Variants in GALNT13 observed in about 807,000 individuals in gnomAD.
The protein encoded by GALNT13 is polypeptide N-acetylgalactosaminyltransferase 13, also known as UDP-GalNAc:polypeptide N-acetylgalactosaminyltransferase 13.
Under a neutral mutation model 64.2 loss-of-function variants are expected in GALNT13, and 28 were observed. The ratio of observed to expected loss-of-function variants is 0.44; its 90% CI spans 0.32 to 0.60. GALNT13 has a LOEUF of 0.60. GALNT13 is among the 20% of genes least tolerant of loss of function. The probability of loss-of-function intolerance (pLI) is 0.05; values close to 1 mark genes in which losing one functional copy is unlikely to be tolerated. For missense variants in GALNT13, 577 were observed against 669.8 expected (o/e 0.86, Z 1.53); for synonymous variants, 214 against 224.6 (o/e 0.95, Z 0.42).
the GALNT13 span, among the ~76,000 whole-genome samples, chr2:153,102,484 CTGTT>C: frequency 2.0e-5 from 3 of 152,072 alleles, no homozygotes; most frequent in Non-Finnish European, 4.4e-5. Context: ...AAAAATTAAA[CTGTT>C]TGTGCAGATA....
chr2:153,712,358 T>C, the GALNT13 span, among the ~76,000 whole-genome samples: 9 of 152,188 alleles, frequency 5.9e-5, no homozygotes, highest in African/African-American at 2.2e-4. Context: ...ATTATATATA[T>C]TTTTTGTCTC....
At chr2:153,984,122 C>T (rs1694643956) in intron 3 of GALNT13, among the ~76,000 whole-genome samples, 1 of 151,576 alleles carries the variant, frequency 6.6e-6, no homozygotes, top group African/African-American at 2.4e-5. Context: ...TAATGAAATA[C>T]CCAATTCTTA....
the GALNT13 span, among the ~76,000 whole-genome samples, chr2:153,662,593 C>T: frequency 2.0e-5 from 3 of 152,084 alleles, no homozygotes; most frequent in African/African-American, 7.2e-5. Flanking sequence ...TTTCTAAGCA[C>T]CAACTTGTCT....
In GALNT13 at chr2:154,076,090, A is replaced by G. The variant is rs1464180257; in HGVS notation, c.143-64247A>G. On this transcript the variant is annotated intron_variant, in intron 3 of 12. Coordinates refer to ENST00000392825, the MANE Select transcript of GALNT13 (RefSeq NM_052917.4). ...CACATTACATATTTATTGTGGGCCA[A>G]CAGCAGCTCTGCTCTCCCTCTTCTT... Among the ~76,000 whole-genome samples the G allele has an allele frequency of 2.0e-5, 3 of 151,708 alleles. No individual in the cohort carries two copies. In the East Asian group the frequency reaches 5.8e-4, roughly 29 times the overall value.
At chr2:153,789,118 A>G in the GALNT13 span, among the ~76,000 whole-genome samples, 1 of 152,150 alleles carries the variant, frequency 6.6e-6, no homozygotes, top group South Asian at 2.1e-4. Context: ...TGTGTACAGA[A>G]CTCTCCACCC....
At chr2:153,356,480 A>G in the GALNT13 span, 8 of 152,170 alleles carry the variant, frequency 5.3e-5, no homozygotes, top group African/African-American at 1.9e-4. Context: ...ACACTAGAAG[A>G]AAATTCATAC....
the GALNT13 span, among the ~76,000 whole-genome samples, chr2:153,729,925 C>G: frequency 1.3e-5 from 2 of 150,844 alleles, no homozygotes; most frequent in African/African-American, 4.9e-5. Flanking sequence ...CACTGATGAA[C>G]GAAATTATAG....
the GALNT13 span, among the ~76,000 whole-genome samples, chr2:153,382,982 C>A: frequency 6.6e-6 from 1 of 151,900 alleles, no homozygotes; most frequent in African/African-American, 2.4e-5. Flanking sequence ...AAGCTCTAAA[C>A]AATATCATTA....
intron 8 of GALNT13, among the ~76,000 whole-genome samples, chr2:154,266,763 G>A (rs534829716): frequency 1.8e-4 from 27 of 151,556 alleles, no homozygotes; most frequent in Middle Eastern, 3.8e-3. Context: ...CAATGCAATA[G>A]TTAAGTGTAT....
At chr2:153,667,313 A>G in the GALNT13 span, among the ~76,000 whole-genome samples, 4 of 152,132 alleles carry the variant, frequency 2.6e-5, no homozygotes, top group Admixed American at 2.6e-4. Context: ...TAAGACAACC[A>G]TCCCTAAGAC....
chr2:153,869,921 T>C (rs1050495489), upstream of GALNT13, among the ~76,000 whole-genome samples: 1 of 152,128 alleles, frequency 6.6e-6, no homozygotes, highest in African/African-American at 2.4e-5. Context: ...CACTCCCTTG[T>C]TGCTTTTTGG....
At chr2:153,743,903 C>G in the GALNT13 span, among the ~76,000 whole-genome samples, 1 of 152,058 alleles carries the variant, frequency 6.6e-6, no homozygotes, top group South Asian at 2.1e-4. Context: ...TTAGATCCCA[C>G]AAATAAGTGA....
At chr2:153,173,732 A>G in the GALNT13 span, among the ~76,000 whole-genome samples, 1 of 152,186 alleles carries the variant, frequency 6.6e-6, no homozygotes, top group Admixed American at 6.5e-5. Flanking sequence ...TCATCATTCC[A>G]GCATCAATTT....
chr2:153,448,008 C>A, the GALNT13 span, among the ~76,000 whole-genome samples: 1 of 152,100 alleles, frequency 6.6e-6, no homozygotes, highest in Non-Finnish European at 1.5e-5. Flanking sequence ...TGAAAGTATC[C>A]ATTGAGTTAA....
the GALNT13 span, among the ~76,000 whole-genome samples, chr2:153,537,247 C>A: frequency 6.6e-6 from 1 of 152,154 alleles, no homozygotes; most frequent in African/African-American, 2.4e-5. Context: ...GCCTTGGAAG[C>A]TTTGGAGGCT....
chr2:153,809,748 C>T, the GALNT13 span, among the ~76,000 whole-genome samples: 1 of 152,042 alleles, frequency 6.6e-6, no homozygotes, highest in East Asian at 1.9e-4. Context: ...TGTACTACGC[C>T]TTTATATTTT....
At chr2:153,126,781 C>T in the GALNT13 span, among the ~76,000 whole-genome samples, 4 of 152,156 alleles carry the variant, frequency 2.6e-5, no homozygotes, top group Admixed American at 2.0e-4. Flanking sequence ...AATGGAAATT[C>T]ACTTTTTCCA....
At chr2:154,391,088 C>T (rs74970308) in intron 9 of GALNT13, among the ~76,000 whole-genome samples, 37 of 152,260 alleles carry the variant, frequency 2.4e-4, no homozygotes, top group Middle Eastern at 3.4e-3. Flanking sequence ...CTATATCTTT[C>T]CATATGTGGA....
intron 2 of GALNT13, among the ~76,000 whole-genome samples, chr2:153,933,851 A>G (rs1471577287): frequency 1.3e-5 from 2 of 152,124 alleles, no homozygotes; most frequent in Non-Finnish European, 2.9e-5. Context: ...TCTCTTACGA[A>G]GCTTCATTTG....
Sources: allele counts gnomAD v4.1 joint callset (sites outside exome capture counted in the v4.1 genomes callset), GRCh38; gene constraint gnomAD v4.1.1; transcripts MANE v1.5; gene names NCBI Gene and HGNC (gene_info 2026-07-23, HGNC 2026-07-21).